The following SLC35E2B variants were observed in gnomAD, a reference collection of about 807,000 sequenced individuals.
SLC35E2B encodes the protein solute carrier family 35, member E2B.
Under a neutral mutation model 32.4 loss-of-function variants are expected in SLC35E2B, and 18 were observed. That is an observed-to-expected ratio of 0.56 (90% CI 0.38 to 0.82). The LOEUF is 0.82. SLC35E2B is among the 40% of genes least tolerant of loss of function. The pLI is 0.00. For synonymous variants in SLC35E2B, 132 were observed against 209.1 expected (o/e 0.63, Z 3.18); for missense variants, 263 against 469.5 (o/e 0.56, Z 4.06).
Position 1,663,702 on chromosome 1 carries a change from C to T in SLC35E2B, c.*2080G>A, listed in dbSNP as rs1169233434. 1 of 381,434 alleles carries T rather than the reference C, an allele frequency of 2.6e-6. No homozygotes were observed. Among genetic ancestry groups the T allele is most frequent in the African/African-American group, 2.1e-5 (1 of 47,834 alleles). The allele number at this position is 381,434 out of a possible 1,614,324, so 23.6% of individuals were successfully genotyped here. Reference sequence around the variant, plus strand: ...GCCAGGCTGGTCTCGAACTCCTGGCCTTGTGATCCGCCAGCTGCTGCCTCC... The same window carrying T: ...GCCAGGCTGGTCTCGAACTCCTGGCTTTGTGATCCGCCAGCTGCTGCCTCC... On this transcript the variant is annotated 3_prime_UTR_variant, in exon 10 of 10. Transcript: ENST00000617444.
intron 2 of SLC35E2B, among the ~76,000 whole-genome samples, chr1:1,687,461 C>T (rs984769916): frequency 3.3e-5 from 5 of 151,700 alleles, no homozygotes; most frequent in Admixed American, 6.6e-5. Flanking sequence ...AAAATTAGGC[C>T]GGGCGTGGTG....
intron 9 of SLC35E2B, among the ~76,000 whole-genome samples, chr1:1,667,458 A>C (rs1348711815): frequency 1.3e-5 from 2 of 152,128 alleles, no homozygotes; most frequent in Non-Finnish European, 2.9e-5. Context: ...AATAAATTGC[A>C]GCTTCATTCA....
intron 2 of SLC35E2B, among the ~76,000 whole-genome samples, chr1:1,689,566 A>T (rs182012415): frequency 1.1e-4 from 16 of 151,752 alleles, no homozygotes; most frequent in Non-Finnish European, 1.5e-5. Context: ...ATATAAGAGA[A>T]TGTCTTCCTG....
intron 2 of SLC35E2B, among the ~76,000 whole-genome samples, chr1:1,681,218 G>A (rs1222547690): frequency 3.3e-5 from 5 of 151,728 alleles, no homozygotes; most frequent in African/African-American, 1.2e-4. Flanking sequence ...TTTTTTTCGA[G>A]ATAGAGTCTC....
Position 1,665,925 on chromosome 1 carries a change from G to T in SLC35E2B, c.1075C>A (p.Leu359Met), listed in dbSNP as rs1207761609. The change falls in exon 10 of 10, where the codon CTG becomes ATG. Residue 359 changes from leucine to methionine, a missense_variant. Around this residue, in one of 7 missense-constraint regions of SLC35E2B, gnomAD observed 78 missense variants for 71.1 expected, o/e 1.10. Transcript: ENST00000617444. Reference protein sequence around the residue: ...ITSLSAVGTALVTVGVLLYNK... With the variant: ...ITSLSAVGTAMVTVGVLLYNK... ...TAGAGCAGGACCCCAACGGTCACCA[G>T]GGCTGTGCCAACGGCCGACAAGCTG... The T allele has an allele frequency of 4.5e-6, 7 of 1,551,370 alleles. No homozygotes were observed. The highest frequency in any genetic ancestry group is 1.4e-5 in the African/African-American group (1 of 73,052).
chr1:1,674,845 C>T (rs1466806330), intron 5 of SLC35E2B, among the ~76,000 whole-genome samples: 1 of 152,146 alleles, frequency 6.6e-6, no homozygotes, highest in Non-Finnish European at 1.5e-5. Context: ...GTGTGCACCC[C>T]CCGACTCCGT....
At chr1:1,688,262 A>T in intron 2 of SLC35E2B, among the ~76,000 whole-genome samples, 1 of 152,132 alleles carries the variant, frequency 6.6e-6, no homozygotes, top group East Asian at 1.9e-4. Context: ...CACCATCACG[A>T]TCATCATCAC....
chr1:1,682,581 A>C (rs936784048), intron 2 of SLC35E2B, among the ~76,000 whole-genome samples: 3 of 152,064 alleles, frequency 2.0e-5, no homozygotes, highest in African/African-American at 7.2e-5. Context: ...GGGAAGCACC[A>C]CGTGTAGAAA....
chr1:1,669,605 G>C (rs1643631723), intron 8 of SLC35E2B, 59 bp downstream of exon 8: 1 of 1,457,770 alleles, frequency 6.9e-7, no homozygotes, highest in Non-Finnish European at 9.2e-7. Flanking sequence ...TTCTGCTCCT[G>C]AATCACCGGA....
At chr1:1,680,487 G>A (rs984823529) in intron 2 of SLC35E2B, among the ~76,000 whole-genome samples, 3 of 152,096 alleles carry the variant, frequency 2.0e-5, no homozygotes, top group South Asian at 2.1e-4. Flanking sequence ...GAGCATCCTC[G>A]TCTGTGTCTA....
intron 2 of SLC35E2B, among the ~76,000 whole-genome samples, chr1:1,688,333 G>A (rs1461146066): frequency 2.6e-5 from 4 of 152,082 alleles, no homozygotes; most frequent in Non-Finnish European, 5.9e-5. Context: ...ACGGCCGGGC[G>A]CGCTGGCTCA....
chr1:1,674,699 A>C (rs1643796802), intron 5 of SLC35E2B, among the ~76,000 whole-genome samples: 1 of 131,996 alleles, frequency 7.6e-6, no homozygotes, highest in Admixed American at 7.4e-5. Context: ...TAATCACCTA[A>C]ACGTGTGTGC....
chr1:1,686,295 G>A (rs1340362075), intron 2 of SLC35E2B, among the ~76,000 whole-genome samples: 15 of 148,090 alleles, frequency 1.0e-4, no homozygotes, highest in South Asian at 2.1e-4. Context: ...CAGCCACTGC[G>A]CCCAGCCTCC....
chr1:1,666,005 A>G lies in SLC35E2B; in HGVS notation c.995T>C (p.Val332Ala), dbSNP rs200790419. Reference sequence around the variant, plus strand: ...GAGCCAGATGGACAAGGCATGTTTCACGGTGCTGGCGACGCTGCGGAGGCA... The same window carrying G: ...GAGCCAGATGGACAAGGCATGTTTCGCGGTGCTGGCGACGCTGCGGAGGCA... ...SPVTFSVAST[V>A]KHALSIWLSV... The change falls in exon 10 of 10, where the codon GTG becomes GCG. Residue 332 changes from valine (V) to alanine (A), a missense_variant. By Grantham distance (64) the Val-to-Ala change is moderately conservative (BLOSUM62 0). This residue lies in a region of SLC35E2B where 38 missense variants were observed against 56.9 expected (regional missense o/e 0.67). Transcript: ENST00000617444. The G allele has an allele frequency of 7.2e-5, 111 of 1,551,234 alleles. 1 individual carries two copies. The East Asian group carries it at 2.7e-3, about 38-fold the overall frequency.
intron 2 of SLC35E2B, among the ~76,000 whole-genome samples, chr1:1,681,901 T>C (rs1440321883): frequency 2.1e-5 from 3 of 143,524 alleles, no homozygotes; most frequent in Non-Finnish European, 4.5e-5. Context: ...AGGAGAACGG[T>C]GTGAACCCGG....
At chr1:1,678,190 C>T (rs1381760103) in intron 2 of SLC35E2B, among the ~76,000 whole-genome samples, 1 of 152,146 alleles carries the variant, frequency 6.6e-6, no homozygotes, top group Non-Finnish European at 1.5e-5. Context: ...TCATTCGTGA[C>T]CTCCTTCTGT....
intron 8 of SLC35E2B, among the ~76,000 whole-genome samples, chr1:1,668,712 GACA>G (rs1185409753): frequency 9.9e-5 from 15 of 152,166 alleles, no homozygotes; most frequent in South Asian, 4.2e-4. Flanking sequence ...GATGCAAATG[GACA>G]ACAAGCACAT....
rs995725938 is a variant in SLC35E2B at position 1,663,285 on chromosome 1, T to G, written c.*2497A>C. 4.3e-5 allele frequency: 42 copies of G among 981,474 alleles called. 1 individual carries two copies. The highest frequency in any genetic ancestry group is 4.0e-4 in the African/African-American group (23 of 57,114). The allele number at this position is 981,474 out of a possible 1,614,324, so 60.8% of individuals were successfully genotyped here. On this transcript the variant is annotated 3_prime_UTR_variant, in exon 10 of 10. Transcript: ENST00000617444. ...TGAGGGTGGAGGGGAGGGCACCAGA[T>G]GCTGTGCGGCTGGAAATTCCAAGGT...
intron 2 of SLC35E2B, among the ~76,000 whole-genome samples, chr1:1,679,178 C>G (rs1457709531): frequency 6.6e-6 from 1 of 152,196 alleles, no homozygotes; most frequent in Non-Finnish European, 1.5e-5. Context: ...AGGCCACGCT[C>G]AAGAAACCCC....
Sources: allele counts gnomAD v4.1 joint callset (sites outside exome capture counted in the v4.1 genomes callset), GRCh38; gene constraint gnomAD v4.1.1; regional missense constraint gnomAD v4.1.1; transcripts MANE v1.5; gene names NCBI Gene and HGNC (gene_info 2026-07-23, HGNC 2026-07-21).